RNF150: variants seen among roughly 807,000 people sequenced by gnomAD.
RNF150 encodes the protein ring finger protein 150.
A neutral mutation model predicts 39.3 loss-of-function variants in RNF150; 24 were observed. The observed-to-expected ratio is 0.61, with a 90% confidence interval of 0.44 to 0.86. The LOEUF (loss-of-function observed/expected upper bound fraction) is 0.86. RNF150 is among the 40% of genes least tolerant of loss of function. RNF150 has a pLI of 0.00. For synonymous variants in RNF150, 255 were observed against 227.3 expected (o/e 1.12, Z -1.10); for missense variants, 502 against 587.8 (o/e 0.85, Z 1.51).
intron 1 of RNF150, among the ~76,000 whole-genome samples, chr4:141,111,698 A>G (rs1389758146): frequency 2.0e-5 from 3 of 152,234 alleles, no homozygotes; most frequent in Non-Finnish European, 4.4e-5. Flanking sequence ...ATTTAAAATC[A>G]AGGCTGTAGC....
At chr4:140,966,032 T>C (rs1579010963) in intron 2 of RNF150, among the ~76,000 whole-genome samples, 1 of 152,060 alleles carries the variant, frequency 6.6e-6, no homozygotes, top group Admixed American at 6.6e-5. Flanking sequence ...ATAAAATTTA[T>C]TTTTTTAAAA....
intron 1 of RNF150, among the ~76,000 whole-genome samples, chr4:141,114,949 A>G (rs952781422): frequency 1.3e-5 from 2 of 152,248 alleles, no homozygotes; most frequent in Non-Finnish European, 2.9e-5. Flanking sequence ...ACACCTCTTC[A>G]TGATAAAAAC....
intron 5 of RNF150, among the ~76,000 whole-genome samples, chr4:140,920,672 C>A (rs1442044069): frequency 6.6e-6 from 1 of 151,844 alleles, no homozygotes; most frequent in Non-Finnish European, 1.5e-5. Context: ...TTTGACCCAG[C>A]CATCCCATTA....
At chr4:141,019,148 T>C (rs935954907) in intron 1 of RNF150, among the ~76,000 whole-genome samples, 5 of 150,058 alleles carry the variant, frequency 3.3e-5, no homozygotes, top group African/African-American at 1.2e-4. Context: ...CAGAATTTCC[T>C]GAAACATAAT....
intron 1 of RNF150, among the ~76,000 whole-genome samples, chr4:141,083,288 T>C (rs529299879): frequency 1.3e-5 from 2 of 152,310 alleles, no homozygotes; most frequent in East Asian, 1.9e-4. Flanking sequence ...AGATAACCAC[T>C]TTTTTCCCCT....
intron 1 of RNF150, among the ~76,000 whole-genome samples, chr4:141,034,871 A>T (rs1736083386): frequency 6.6e-6 from 1 of 152,176 alleles, no homozygotes; most frequent in African/African-American, 2.4e-5. Context: ...CTGAACTCAG[A>T]TCACCAAAAC....
Position 140,861,323 on chromosome 4 carries a change from T to C in RNF150, c.*6938A>G, listed in dbSNP as rs1401742480. The C allele has an allele frequency of 6.6e-6, 1 of 152,202 alleles. No individual in the cohort carries two copies. The highest frequency in any genetic ancestry group is 1.5e-5 in the Non-Finnish European group (1 of 68,042). The allele number at this position is 152,202 out of a possible 1,614,324, so 9.4% of individuals were successfully genotyped here. On this transcript the variant is annotated 3_prime_UTR_variant, in exon 7 of 7. Coordinates refer to ENST00000515673, the MANE Select transcript of RNF150 (RefSeq NM_020724.2). Reference sequence around the variant, plus strand: ...CTTCTTTGCAAACAGAGCAACATTATCCTTCAACATTTTGCAGAAGTAAGG... The same window carrying C: ...CTTCTTTGCAAACAGAGCAACATTACCCTTCAACATTTTGCAGAAGTAAGG...
chr4:140,868,726 CAT>C (rs1318438635), intron 6 of RNF150, among the ~76,000 whole-genome samples: 11 of 151,936 alleles, frequency 7.2e-5, no homozygotes, highest in African/African-American at 1.2e-4. Flanking sequence ...ATGTTACACA[CAT>C]GTAAAATAAA....
chr4:141,018,250 C>T (rs1735355355), intron 1 of RNF150, among the ~76,000 whole-genome samples: 1 of 152,072 alleles, frequency 6.6e-6, no homozygotes, highest in Non-Finnish European at 1.5e-5. Flanking sequence ...CTTTCATGTC[C>T]ACTGCCACCA....
chr4:140,932,645 T>C (rs1443884741), intron 4 of RNF150, among the ~76,000 whole-genome samples: 2 of 152,174 alleles, frequency 1.3e-5, no homozygotes, highest in East Asian at 3.8e-4. Flanking sequence ...AGCCTTAGTT[T>C]CTTCACTGAT....
chr4:141,198,765 T>A (rs1227315890), intron 1 of RNF150, among the ~76,000 whole-genome samples: 1 of 152,200 alleles, frequency 6.6e-6, no homozygotes, highest in South Asian at 2.1e-4. Context: ...TCAAGCATAC[T>A]TGTCTCTGCC....
In RNF150 at chr4:141,122,015, G is replaced by A. The variant is rs111832426; in HGVS notation, c.484+10310C>T. On this transcript the variant is annotated intron_variant, in intron 1 of 6. Transcript: ENST00000515673. ...AGCCCTAACTTTTAAACTCCCCCAG[G>A]TGATCCCAATATGCAGTCAGGGTGG... Among the ~76,000 whole-genome samples the A allele has an allele frequency of 9.1e-3, 1,389 of 152,216 alleles. 9 individuals are homozygous for A. Among genetic ancestry groups the A allele is most frequent in the Non-Finnish European group, 0.015 (999 of 68,022 alleles).
At chr4:141,069,986 T>A (rs1737626871) in intron 1 of RNF150, among the ~76,000 whole-genome samples, 1 of 152,140 alleles carries the variant, frequency 6.6e-6, no homozygotes, top group East Asian at 1.9e-4. Flanking sequence ...TCTATCAATT[T>A]TGTTGATCCT....
At chr4:141,142,287 C>A (rs1026387583) in intron 1 of RNF150, among the ~76,000 whole-genome samples, 1 of 152,068 alleles carries the variant, frequency 6.6e-6, no homozygotes, top group Non-Finnish European at 1.5e-5. Flanking sequence ...AAAAAGACAC[C>A]CTCCAGCCTA....
At chr4:141,147,279 T>A (rs1461453358) in intron 1 of RNF150, among the ~76,000 whole-genome samples, 1 of 152,236 alleles carries the variant, frequency 6.6e-6, no homozygotes, top group East Asian at 1.9e-4. Context: ...CCAGTAAGGA[T>A]GTTCCTGCTT....
intron 6 of RNF150, among the ~76,000 whole-genome samples, chr4:140,895,219 G>A (rs1729897930): frequency 1.3e-5 from 2 of 152,262 alleles, no homozygotes; most frequent in South Asian, 4.1e-4. Flanking sequence ...TTCCTTCAAA[G>A]CTTTGATGGG....
At chr4:141,167,665 C>T (rs1349656426) in intron 1 of RNF150, among the ~76,000 whole-genome samples, 1 of 152,122 alleles carries the variant, frequency 6.6e-6, no homozygotes, top group African/African-American at 2.4e-5. Context: ...TGGTCTTTGA[C>T]AAACCTGACA....
intron 5 of RNF150, among the ~76,000 whole-genome samples, chr4:140,922,587 A>G (rs1021384351): frequency 6.6e-6 from 1 of 151,646 alleles, no homozygotes; most frequent in African/African-American, 2.4e-5. Context: ...TCAAGCTACC[A>G]ATGACTTTCT....
chr4:141,048,187 GTAAAATACTGTTTGCTGTAACATGCCAT>G (rs1197573971), intron 1 of RNF150, among the ~76,000 whole-genome samples: 1 of 152,192 alleles, frequency 6.6e-6, no homozygotes, highest in African/African-American at 2.4e-5. Context: ...AATGAAACCA[GTAAAATACTGTTTGCTGTAACATGCCAT>G]CTCTTGGCTG....
Sources: allele counts gnomAD v4.1 joint callset (sites outside exome capture counted in the v4.1 genomes callset), GRCh38; gene constraint gnomAD v4.1.1; transcripts MANE v1.5; gene names NCBI Gene and HGNC (gene_info 2026-07-23, HGNC 2026-07-21).